Variants in ALK observed in about 807,000 individuals in gnomAD.
ALK encodes the protein ALK receptor tyrosine kinase.
Under a neutral mutation model 163.1 loss-of-function variants are expected in ALK, and 74 were observed. The ratio of observed to expected loss-of-function variants is 0.45; its 90% CI spans 0.38 to 0.55. The LOEUF (loss-of-function observed/expected upper bound fraction) is 0.55. Among genes scored for constraint, ALK ranks in the 20% least tolerant of loss-of-function variants. The probability of loss-of-function intolerance (pLI) is 0.00; values close to 1 mark genes in which losing one functional copy is unlikely to be tolerated. For missense variants in ALK, 2,063 were observed against 2,105.3 expected (o/e 0.98, Z 0.39); for synonymous variants, 960 against 843.2 (o/e 1.14, Z -2.40).
At chr2:29,662,630 C>T (rs1677384352) in intron 3 of ALK, among the ~76,000 whole-genome samples, 1 of 152,128 alleles carries the variant, frequency 6.6e-6, no homozygotes, top group Non-Finnish European at 1.5e-5. Context: ...TATGCCAGCT[C>T]CTGCAGTTAC....
At chr2:29,618,664 G>A (rs796719116) in intron 3 of ALK, among the ~76,000 whole-genome samples, 14 of 152,212 alleles carry the variant, frequency 9.2e-5, no homozygotes, top group African/African-American at 2.9e-4. Context: ...GCTACTACCC[G>A]TGATATGCAA....
At chr2:29,251,358 A>T in intron 11 of ALK, 91 bp from the exon 12 acceptor site, 1 of 1,327,244 alleles carries the variant, frequency 7.5e-7, no homozygotes, top group East Asian at 2.5e-5. Context: ...TATCTGCTCC[A>T]TGGCCCCAAA....
chr2:29,540,586 T>C (rs1380785942), intron 3 of ALK, among the ~76,000 whole-genome samples: 7 of 141,746 alleles, frequency 4.9e-5, no homozygotes, highest in African/African-American at 1.3e-4. Context: ...TTATGTTTTT[T>C]TTTTTTAAAA....
chr2:29,829,173 G>T (rs1165298550), intron 1 of ALK, among the ~76,000 whole-genome samples: 2 of 94,184 alleles, frequency 2.1e-5, no homozygotes, highest in East Asian at 4.0e-4. Context: ...TGAGGGGTGG[G>T]GGGAGGGGGG....
At chr2:29,759,582 A>T (rs565683122) in intron 1 of ALK, among the ~76,000 whole-genome samples, 1 of 152,120 alleles carries the variant, frequency 6.6e-6, no homozygotes, top group Non-Finnish European at 1.5e-5. Context: ...GGCTTTGACC[A>T]CTCTGGCTGT....
intron 1 of ALK, among the ~76,000 whole-genome samples, chr2:29,753,380 G>T (rs1238089423): frequency 1.3e-5 from 2 of 152,160 alleles, no homozygotes; most frequent in East Asian, 3.9e-4. Context: ...TTACGGGGGG[G>T]AGCACGACCA....
intron 1 of ALK, among the ~76,000 whole-genome samples, chr2:29,725,875 C>T (rs931459391): frequency 2.0e-5 from 3 of 152,204 alleles, no homozygotes; most frequent in Non-Finnish European, 4.4e-5. Flanking sequence ...GAACCTGTAT[C>T]TCTCAGAATT....
intron 4 of ALK, among the ~76,000 whole-genome samples, chr2:29,427,555 T>C (rs1670174813): frequency 6.6e-6 from 1 of 151,780 alleles, no homozygotes; most frequent in Non-Finnish European, 1.5e-5. Context: ...CAATAGAATG[T>C]CGAGAAAAAA....
chr2:29,513,039 A>T (rs1672565965), intron 4 of ALK, among the ~76,000 whole-genome samples: 1 of 151,586 alleles, frequency 6.6e-6, no homozygotes, highest in South Asian at 2.1e-4. Context: ...GCTCATGGGT[A>T]GGAAGAATCA....
rs1665404525 is a variant in ALK, at chr2:29,831,253, GGAAGAGGAAGAAGAAGAAGAAGAA to G, written c.667+88716_667+88739del. Among the ~76,000 whole-genome samples the G allele has an allele frequency of 1.5e-4, 2 of 13,310 alleles. 1 individual carries two copies. Among genetic ancestry groups the G allele is most frequent in the Non-Finnish European group, 3.7e-4 (2 of 5,462 alleles). 8.7% of individuals were successfully genotyped at this position (13,310 alleles called of 152,430 possible). ...AAGAAGAGGAAGAAGAAGAGGAAGA[GGAAGAGGAAGAAGAAGAAGAAGAA>G]GAAGAAGAAGAAGAAGAAGAAGAAG... On this transcript the variant is annotated intron_variant, in intron 1 of 28. Transcript: ENST00000389048.
intron 4 of ALK, among the ~76,000 whole-genome samples, chr2:29,515,877 A>C (rs1672649890): frequency 6.6e-6 from 1 of 152,364 alleles, no homozygotes; most frequent in East Asian, 1.9e-4. Context: ...GGAAAGTTCA[A>C]TTAGAGGAAG....
At position 29,255,753 on chromosome 2, in the gene ALK, C is replaced by G. The variant is rs561621850; in HGVS notation, c.2042-4486G>C. 2.9e-4 allele frequency among the ~76,000 whole-genome samples: 44 copies of G among 152,262 alleles called. 1 individual carries two copies. The East Asian group carries it at 8.5e-3, about 29-fold the overall frequency. ...TCAGAACCTTACTTAATACCAGAGT[C>G]TGATTTTCATGATTGACCCACCAGA... On this transcript the variant is annotated intron_variant, in intron 11 of 28. Coordinates refer to ENST00000389048, the MANE Select transcript of ALK (RefSeq NM_004304.5).
At chr2:29,512,048 T>C (rs1573416587) in intron 4 of ALK, among the ~76,000 whole-genome samples, 2 of 152,332 alleles carry the variant, frequency 1.3e-5, no homozygotes, top group East Asian at 1.9e-4. Flanking sequence ...TATTTAAAAG[T>C]TTTAAATTTT....
chr2:29,734,491 C>G (rs1018374561), intron 1 of ALK, among the ~76,000 whole-genome samples: 7 of 152,158 alleles, frequency 4.6e-5, no homozygotes, highest in Non-Finnish European at 1.0e-4. Flanking sequence ...GGAGACAAAA[C>G]TAGTTCAGTA....
At chr2:29,424,414 G>T (rs771903618) in intron 4 of ALK, among the ~76,000 whole-genome samples, 5 of 152,150 alleles carry the variant, frequency 3.3e-5, no homozygotes, top group Non-Finnish European at 5.9e-5. Context: ...AGAGACCTTA[G>T]CACTACATTT....
intron 3 of ALK, among the ~76,000 whole-genome samples, chr2:29,675,746 C>T (rs1297091280): frequency 6.6e-6 from 1 of 151,988 alleles, no homozygotes; most frequent in Admixed American, 6.6e-5. Flanking sequence ...TCTGAGTATA[C>T]CTCTTGCTGC....
At position 29,717,664 on chromosome 2, in the gene ALK, G is replaced by A. The variant is rs948241251; in HGVS notation, c.701C>T (p.Pro234Leu). Residue 234 changes from proline to leucine, a missense_variant, in exon 2 of 29, where the codon CCT (proline) becomes CTT (leucine). Pro to Leu is a moderately conservative substitution (Grantham distance 98, BLOSUM62 -3). Coordinates refer to ENST00000389048, the MANE Select transcript of ALK (RefSeq NM_004304.5). ...TGTAAAATAATCAGGAGAAGGAGAA[G>A]GCATGTTTGTTGGTGATTCCAAGGA... The part of the protein sequence containing the change: ...HSSLESPTNM[P>L]SPSPDYFTWN... The A allele has an allele frequency of 6.2e-7, 1 of 1,613,968 alleles. No individual in the cohort carries two copies. The highest frequency in any genetic ancestry group is 2.2e-5 in the East Asian group (1 of 44,866).
intron 3 of ALK, among the ~76,000 whole-genome samples, chr2:29,550,448 T>C (rs1284091406): frequency 2.0e-5 from 3 of 152,208 alleles, no homozygotes; most frequent in Non-Finnish European, 4.4e-5. Context: ...AGAGTCTTTT[T>C]AGATTCATTT....
At chr2:29,413,217 T>A (rs565634583) in intron 4 of ALK, among the ~76,000 whole-genome samples, 6 of 152,342 alleles carry the variant, frequency 3.9e-5, no homozygotes, top group Non-Finnish European at 7.3e-5. Context: ...AGAGACATGG[T>A]AAACACAAGA....
Sources: allele counts gnomAD v4.1 joint callset (sites outside exome capture counted in the v4.1 genomes callset), GRCh38; gene constraint gnomAD v4.1.1; transcripts MANE v1.5; gene names NCBI Gene and HGNC (gene_info 2026-07-23, HGNC 2026-07-21).